The following JAKMIP1 variants were observed in gnomAD, a reference collection of about 807,000 sequenced individuals.
JAKMIP1 encodes janus kinase and microtubule-interacting protein 1.
A neutral mutation model predicts 113.0 loss-of-function variants in JAKMIP1; 33 were observed. The observed-to-expected ratio is 0.29, with a 90% confidence interval of 0.22 to 0.39. JAKMIP1 has a LOEUF of 0.39. Ranked by LOEUF, JAKMIP1 falls within the 10% of genes least tolerant of loss-of-function variation. The pLI is 1.00. For missense variants in JAKMIP1, 813 were observed against 1,080.5 expected (o/e 0.75, Z 3.47); for synonymous variants, 480 against 459.9 (o/e 1.04, Z -0.56).
At chr4:6,132,543 G>A (rs1228269291) in intron 1 of JAKMIP1, among the ~76,000 whole-genome samples, 1 of 151,956 alleles carries the variant, frequency 6.6e-6, no homozygotes, top group Non-Finnish European at 1.5e-5. Context: ...TTGGGAGGCT[G>A]AGGCAGGAGG....
In JAKMIP1 at chr4:6,047,203, G is replaced by A. The variant is rs947865464; in HGVS notation, c.2028+1654C>T. On this transcript the variant is annotated intron_variant, in intron 16 of 20. Coordinates refer to ENST00000409021, the MANE Select transcript of JAKMIP1 (RefSeq NM_001099433.2). ...GTAGCCAAGACGCAAGCCAGGAGAG[G>A]CCTCCCCGACATCAAAGCGGACACT... 2.0e-5 allele frequency among the ~76,000 whole-genome samples: 3 copies of A among 152,220 alleles called. No individual in the cohort carries two copies. The East Asian group carries it at 5.8e-4, about 29-fold the overall frequency.
At chr4:6,173,586 C>T (rs1056086116) in intron 1 of JAKMIP1, among the ~76,000 whole-genome samples, 1 of 152,184 alleles carries the variant, frequency 6.6e-6, no homozygotes, top group African/African-American at 2.4e-5. Flanking sequence ...GTTCCAAAGA[C>T]ATCAAACAAT....
intron 1 of JAKMIP1, among the ~76,000 whole-genome samples, chr4:6,146,842 C>T (rs910276483): frequency 2.0e-5 from 3 of 152,206 alleles, no homozygotes; most frequent in African/African-American, 7.2e-5. Flanking sequence ...CCTCTCCCTA[C>T]CGTACACTTG....
Position 6,065,637 on chromosome 4 carries a change from G to A in JAKMIP1, c.1303-629C>T, listed in dbSNP as rs911641458. Among the ~76,000 whole-genome samples, 9 of 152,170 alleles carry A rather than the reference G, an allele frequency of 5.9e-5. No homozygotes were observed. Among genetic ancestry groups the A allele is most frequent in the African/African-American group, 2.2e-4 (9 of 41,434 alleles). On this transcript the variant is annotated intron_variant, in intron 8 of 20. Coordinates refer to ENST00000409021, the MANE Select transcript of JAKMIP1 (RefSeq NM_001099433.2). The surrounding 1 kb of genome is among the most constrained non-coding windows in gnomAD (Gnocchi z 5.1). ...GCTTAACTTTTTATTATAGAAAACTGGGAAGATTCACAGAATGAGAAGGAA... is the reference window on the plus strand; with the variant it reads ...GCTTAACTTTTTATTATAGAAAACTAGGAAGATTCACAGAATGAGAAGGAA...
intron 1 of JAKMIP1, among the ~76,000 whole-genome samples, chr4:6,173,838 G>A (rs144963269): frequency 0.01 from 1,589 of 152,336 alleles, 11 homozygotes; most frequent in South Asian, 0.021. Context: ...CACTTCGGGA[G>A]GCCAAGGCGG....
rs968634812 is a variant in JAKMIP1 at position 6,137,176 on chromosome 4, A to G, written c.-147-24179T>C. On this transcript the variant is annotated intron_variant, in intron 1 of 20. Transcript: ENST00000409021. The surrounding 1 kb of genome is among the most constrained non-coding windows in gnomAD (Gnocchi z 4.5). ...TCCCTTGCCTTGCAGAGCCTCCCCC[A>G]TAGGGCTTGGAATCGAGCCACATGC... 6.6e-6 allele frequency among the ~76,000 whole-genome samples: 1 copy of G among 151,998 alleles called. No homozygotes were observed. The highest frequency in any genetic ancestry group is 2.4e-5 in the African/African-American group (1 of 41,364).
rs561793892 is a variant in JAKMIP1 at position 6,097,356 on chromosome 4, C to A, written c.624+8117G>T. Among the ~76,000 whole-genome samples the A allele has an allele frequency of 6.6e-6, 1 of 152,312 alleles. No homozygotes were observed. The highest frequency in any genetic ancestry group is 2.4e-5 in the African/African-American group (1 of 41,556). Reference sequence around the variant, plus strand: ...CACTTCTTACACTTATTCACACATACCACTGATACAGTGGAGAAGATAATG... The same window carrying A: ...CACTTCTTACACTTATTCACACATAACACTGATACAGTGGAGAAGATAATG... On this transcript the variant is annotated intron_variant, in intron 3 of 20. Coordinates refer to ENST00000409021, the MANE Select transcript of JAKMIP1 (RefSeq NM_001099433.2). This position sits in a 1 kb window ranked among gnomAD's most constrained non-coding sequence, Gnocchi z 4.3.
intron 1 of JAKMIP1, among the ~76,000 whole-genome samples, chr4:6,128,389 C>G (rs1341228557): frequency 1.3e-5 from 2 of 152,170 alleles, no homozygotes; most frequent in African/African-American, 4.8e-5. Context: ...AGAAGGCCAC[C>G]TGCTTCCGTA....
At chr4:6,161,308 C>G (rs1241711036) in intron 1 of JAKMIP1, among the ~76,000 whole-genome samples, 1 of 137,426 alleles carries the variant, frequency 7.3e-6, no homozygotes, top group Non-Finnish European at 1.5e-5. Context: ...CCTCCACTGA[C>G]TTCTATGGCC....
rs1288381945 is a variant in JAKMIP1, at chr4:6,051,888, C to A, written c.1807-1209G>T. Among the ~76,000 whole-genome samples, 4 of 152,176 alleles carry A rather than the reference C, an allele frequency of 2.6e-5. No individual in the cohort carries two copies. The highest frequency in any genetic ancestry group is 5.9e-5 in the Non-Finnish European group (4 of 68,032). On this transcript the variant is annotated intron_variant, in intron 13 of 20. Transcript: ENST00000409021. This position sits in a 1 kb window ranked among gnomAD's most constrained non-coding sequence, Gnocchi z 5.0. ...GTCATGGTGGGGCAGCAGAGAAGAC[C>A]TTTTCAAATTACACCTTTAAATCAA...
intron 1 of JAKMIP1, among the ~76,000 whole-genome samples, chr4:6,128,862 C>G (rs1718113253): frequency 6.6e-6 from 1 of 152,214 alleles, no homozygotes; most frequent in African/African-American, 2.4e-5. Context: ...ACACCTCACC[C>G]CTGCAGAGAG....
rs202143734 is a variant in JAKMIP1, at chr4:6,076,209, TAAAC to T, written c.1302+2726_1302+2729del. Among the ~76,000 whole-genome samples the T allele has an allele frequency of 3.8e-3, 579 of 152,042 alleles. 4 individuals carry two copies. The highest frequency in any genetic ancestry group is 0.013 in the African/African-American group (544 of 41,464). The stretch of plus-strand genomic sequence containing the variant: ...ATTAGTAAATAAATAAAAAATAAAA[TAAAC>T]AAACAAACAAATAAATATAGACAAG... On this transcript the variant is annotated intron_variant, in intron 8 of 20. Coordinates refer to ENST00000409021, the MANE Select transcript of JAKMIP1 (RefSeq NM_001099433.2). The surrounding 1 kb of genome is among the most constrained non-coding windows in gnomAD (Gnocchi z 4.8).
At chr4:6,073,341 C>G (rs565322198) in intron 8 of JAKMIP1, among the ~76,000 whole-genome samples, 1 of 152,308 alleles carries the variant, frequency 6.6e-6, no homozygotes, top group African/African-American at 2.4e-5. Flanking sequence ...AGGCATCCTC[C>G]AACCCCTGGC....
rs1307182009 is a variant in JAKMIP1, at chr4:6,059,199, C to A, written c.1644+1225G>T. Among the ~76,000 whole-genome samples the A allele has an allele frequency of 6.6e-6, 1 of 152,188 alleles. No individual in the cohort carries two copies. Among genetic ancestry groups the A allele is most frequent in the Non-Finnish European group, 1.5e-5 (1 of 68,044 alleles). On this transcript the variant is annotated intron_variant, in intron 11 of 20. Transcript: ENST00000409021. The surrounding 1 kb of genome is among the most constrained non-coding windows in gnomAD (Gnocchi z 4.8). ...AAGCCATTCCAGAGGGCTGGGCACT[C>A]ACATTCCCCCACGCAGTCCATTGGT...
rs752512182 is a variant in JAKMIP1, at chr4:6,080,163, T to C, written c.1242+9A>G. ...CCAGGGGCAGCCGCGCCAGCTGTGC[T>C]AGATGTACCAGTGAGAGGTCGTCAA... On this transcript the variant is annotated intron_variant, in intron 7 of 20. Coordinates refer to ENST00000409021, the MANE Select transcript of JAKMIP1 (RefSeq NM_001099433.2). The surrounding 1 kb of genome is among the most constrained non-coding windows in gnomAD (Gnocchi z 6.0). 6 of 1,598,354 alleles carry C rather than the reference T, an allele frequency of 3.8e-6. No homozygotes were observed. Among genetic ancestry groups the C allele is most frequent in the Non-Finnish European group, 5.1e-6 (6 of 1,172,462 alleles).
chr4:6,030,564 A>G (rs1203580306), intron 19 of JAKMIP1, among the ~76,000 whole-genome samples: 1 of 152,120 alleles, frequency 6.6e-6, no homozygotes, highest in Non-Finnish European at 1.5e-5. Flanking sequence ...ATGTGCTCAC[A>G]GGGCTTCCGC....
chr4:6,091,522 G>A (rs1722062756), intron 3 of JAKMIP1, among the ~76,000 whole-genome samples: 1 of 152,196 alleles, frequency 6.6e-6, no homozygotes, highest in African/African-American at 2.4e-5. Context: ...CCATTTTATA[G>A]GTGAGGTGCT....
rs1720487016 is a variant in JAKMIP1 at position 6,081,182 on chromosome 4, TGGA to T, written c.1101+424_1101+426del. 6.6e-6 allele frequency among the ~76,000 whole-genome samples: 1 copy of T among 152,220 alleles called. No homozygotes were observed. The highest frequency in any genetic ancestry group is 1.5e-5 in the Non-Finnish European group (1 of 68,030). On this transcript the variant is annotated intron_variant, in intron 6 of 20. Coordinates refer to ENST00000409021, the MANE Select transcript of JAKMIP1 (RefSeq NM_001099433.2). The surrounding 1 kb of genome is among the most constrained non-coding windows in gnomAD (Gnocchi z 4.6). ...GACCACAAACACCAGGCATCCTAGC[TGGA>T]GGAGAAACCCCTCTGCAGAGCATCG...
At chr4:6,029,918 A>G (rs554360235) in intron 19 of JAKMIP1, 137 bp from the exon 20 acceptor site, 7 of 665,066 alleles carry the variant, frequency 1.1e-5, no homozygotes, top group South Asian at 5.2e-5. Context: ...GCTCTGATAC[A>G]TGCACAAGCC....
Sources: allele counts gnomAD v4.1 joint callset (sites outside exome capture counted in the v4.1 genomes callset), GRCh38; gene constraint gnomAD v4.1.1; non-coding constraint Gnocchi (gnomAD v3.1); transcripts MANE v1.5; gene names NCBI Gene and HGNC (gene_info 2026-07-23, HGNC 2026-07-21).